The following CWF19L1 variants were observed in gnomAD, a reference collection of about 807,000 sequenced individuals.
The protein encoded by CWF19L1 is CWF19-like protein 1.
In CWF19L1, 60 loss-of-function variants were observed where a neutral mutation model predicts 69.7. The ratio of observed to expected loss-of-function variants is 0.86; its 90% CI spans 0.70 to 1.07. CWF19L1 has a LOEUF of 1.07. Among genes scored for constraint, CWF19L1 ranks in the 50% least tolerant of loss-of-function variants. The probability of loss-of-function intolerance (pLI) is 0.00; values close to 1 mark genes in which losing one functional copy is unlikely to be tolerated. For missense variants in CWF19L1, 591 were observed against 638.9 expected, an observed-to-expected ratio of 0.92 and a Z score of 0.81; for synonymous variants, 209 against 222.2, an observed-to-expected ratio of 0.94 and a Z score of 0.53.
intron 6 of CWF19L1, among the ~76,000 whole-genome samples, chr10:100,252,888 TTTAA>T (rs35722727): frequency 0.075 from 11,394 of 152,234 alleles, 576 homozygotes; most frequent in African/African-American, 0.14. Context: ...CTCATTTATT[TTTAA>T]TTGATAACTA....
chr10:100,248,436 C>T (rs772251783), intron 7 of CWF19L1: 36 of 698,912 alleles, frequency 5.2e-5, no homozygotes, highest in Non-Finnish European at 9.2e-5. Context: ...CTTTCTCATT[C>T]CATGGGTACA....
chr10:100,243,797 A>G lies in CWF19L1; in HGVS notation c.965-20T>C, dbSNP rs778143472. On this transcript the variant is annotated intron_variant, in intron 9 of 13. Coordinates refer to ENST00000354105, the MANE Select transcript of CWF19L1 (RefSeq NM_018294.6). Reference sequence around the variant, plus strand: ...GCTGAGCTTCATGTAAAAGAAAGCCAGGTGTTACTATGGTCCAAGCACTAC... The same window carrying G: ...GCTGAGCTTCATGTAAAAGAAAGCCGGGTGTTACTATGGTCCAAGCACTAC... 4 of 1,604,974 alleles carry G rather than the reference A, an allele frequency of 2.5e-6. No individual in the cohort carries two copies. Among genetic ancestry groups the G allele is most frequent in the African/African-American group, 1.3e-5 (1 of 74,894 alleles).
intron 6 of CWF19L1, among the ~76,000 whole-genome samples, chr10:100,252,045 T>C (rs1847054515): frequency 6.6e-6 from 1 of 152,162 alleles, no homozygotes; most frequent in Admixed American, 6.5e-5. Context: ...CTCACTTAAA[T>C]TTTTTTAACT....
At chr10:100,245,675 C>G (rs1846794053) in intron 9 of CWF19L1, 124 bp downstream of exon 9, 1 of 691,980 alleles carries the variant, frequency 1.4e-6, no homozygotes, top group Non-Finnish European at 2.5e-6. Context: ...ACTGTTGGTC[C>G]TAATGACTCA....
chr10:100,250,169 G>T, intron 7 of CWF19L1, 79 bp downstream of exon 7: 1 of 990,044 alleles, frequency 1.0e-6, no homozygotes, highest in Non-Finnish European at 1.6e-6. Flanking sequence ...GAGAAGATCT[G>T]AATGCTAAAC....
intron 13 of CWF19L1, among the ~76,000 whole-genome samples, chr10:100,235,124 C>T (rs1175669993): frequency 1.3e-5 from 2 of 152,244 alleles, no homozygotes; most frequent in African/African-American, 2.4e-5. Context: ...AGTGGCTAGT[C>T]ACAACTGTAT....
intron 7 of CWF19L1, chr10:100,249,140 T>TC: frequency 2.4e-6 from 1 of 408,340 alleles, no homozygotes; most frequent in Non-Finnish European, 4.5e-6. Context: ...TAACACTGTC[T>TC]TCCTTCTGCC....
At chr10:100,256,567 G>T in intron 4 of CWF19L1, 91 bp from the exon 5 acceptor site, 2 of 965,186 alleles carry the variant, frequency 2.1e-6, no homozygotes, top group Non-Finnish European at 3.3e-6. Flanking sequence ...ACTCTCCTAT[G>T]TCCCTGCCAT....
Position 100,251,505 on chromosome 10 carries a change from C to CTTT in CWF19L1, c.624-1176_624-1174dup, listed in dbSNP as rs1208146959. Among the ~76,000 whole-genome samples the CTTT allele has an allele frequency of 5.7e-3, 503 of 88,294 alleles. 2 individuals carry two copies. The highest frequency in any genetic ancestry group is 9.8e-3 in the African/African-American group (179 of 18,348). 57.9% of individuals were successfully genotyped at this position (88,294 alleles called of 152,430 possible). A position where few individuals can be genotyped will look rare whatever the true frequency, so the allele number is the denominator to read the frequency against. On this transcript the variant is annotated intron_variant, in intron 6 of 13. Transcript: ENST00000354105. ...AGCATCTTTTTATATGTCTATTGGC[C>CTTT]TTTTTTTTTTTTTTTTTTTTTTTTG...
intron 1 of CWF19L1, among the ~76,000 whole-genome samples, chr10:100,263,948 A>G (rs1456927728): frequency 6.6e-6 from 1 of 152,226 alleles, no homozygotes; most frequent in Non-Finnish European, 1.5e-5. Flanking sequence ...GCATTTCAAT[A>G]ACCTTTTTAG....
At chr10:100,261,421 G>A (rs552859035) in intron 2 of CWF19L1, among the ~76,000 whole-genome samples, 3 of 152,246 alleles carry the variant, frequency 2.0e-5, no homozygotes, top group South Asian at 2.1e-4. Flanking sequence ...AAGAATCCCC[G>A]TGTGAAACAA....
intron 9 of CWF19L1, among the ~76,000 whole-genome samples, chr10:100,245,126 A>G (rs1289645272): frequency 6.7e-6 from 1 of 150,256 alleles, no homozygotes; most frequent in Non-Finnish European, 1.5e-5. Context: ...GGGTTCAAGC[A>G]ATTCTTCCAC....
At chr10:100,234,327 T>C (rs538331761) in intron 13 of CWF19L1, among the ~76,000 whole-genome samples, 1 of 152,334 alleles carries the variant, frequency 6.6e-6, no homozygotes, top group East Asian at 1.9e-4. Context: ...TTGTTAACTA[T>C]AAAATGCTAT....
In CWF19L1 at chr10:100,262,008, C is replaced by T; in HGVS notation, c.79G>A (p.Ala27Thr). Residue 27 changes from alanine (A) to threonine (T), a missense_variant, in exon 2 of 14, where the codon GCA becomes ACA. Ala to Thr is a moderately conservative substitution (Grantham distance 58, BLOSUM62 0). Coordinates refer to ENST00000354105, the MANE Select transcript of CWF19L1 (RefSeq NM_018294.6). Reference protein sequence around the residue: ...KFDILFNRVQAIQKKSGNFDL... With the variant: ...KFDILFNRVQTIQKKSGNFDL... ...AAGTTTCCACTTTTCTTCTGAATTG[C>T]TTGAACTCTATTGAATAAAATATCA... The T allele has an allele frequency of 1.2e-6, 2 of 1,608,690 alleles. No individual in the cohort carries two copies. The highest frequency in any genetic ancestry group is 1.7e-6 in the Non-Finnish European group (2 of 1,178,720).
intron 4 of CWF19L1, among the ~76,000 whole-genome samples, chr10:100,257,405 T>C (rs1239092894): frequency 6.6e-6 from 1 of 151,048 alleles, no homozygotes; most frequent in Non-Finnish European, 1.5e-5. Flanking sequence ...GTTCAAGTGA[T>C]TCTCCTGCCT....
At chr10:100,244,587 C>A (rs1299160233) in intron 9 of CWF19L1, among the ~76,000 whole-genome samples, 1 of 152,166 alleles carries the variant, frequency 6.6e-6, no homozygotes, top group South Asian at 2.1e-4. Flanking sequence ...GATCTCCTGA[C>A]CTCATGATCC....
intron 10 of CWF19L1, among the ~76,000 whole-genome samples, chr10:100,238,459 T>C (rs1015927941): frequency 6.6e-6 from 1 of 152,128 alleles, no homozygotes; most frequent in Non-Finnish European, 1.5e-5. Context: ...AAGTAGCAAA[T>C]GAACTAGGAG....
intron 10 of CWF19L1, among the ~76,000 whole-genome samples, chr10:100,241,953 A>T (rs181052740): frequency 5.3e-4 from 81 of 152,306 alleles, no homozygotes; most frequent in African/African-American, 1.3e-3. Context: ...GTCACTGGTG[A>T]CTATAGTGTT....
At chr10:100,257,009 A>G (rs1007972924) in intron 4 of CWF19L1, among the ~76,000 whole-genome samples, 2 of 152,206 alleles carry the variant, frequency 1.3e-5, no homozygotes, top group Non-Finnish European at 2.9e-5. Context: ...GAAGGAAAAC[A>G]TTTGGAAAGA....
Sources: allele counts gnomAD v4.1 joint callset (sites outside exome capture counted in the v4.1 genomes callset), GRCh38; gene constraint gnomAD v4.1.1; transcripts MANE v1.5; gene names NCBI Gene and HGNC (gene_info 2026-07-23, HGNC 2026-07-21).